The following CEP128 variants were observed in gnomAD, a reference collection of about 807,000 sequenced individuals.
CEP128 encodes centrosomal protein 128.
A neutral mutation model predicts 156.7 loss-of-function variants in CEP128; 132 were observed. The observed-to-expected ratio is 0.84, with a 90% CI of 0.73 to 0.97. CEP128 has a LOEUF of 0.97. Ranked by LOEUF, CEP128 falls within the 50% of genes least tolerant of loss-of-function variation. The pLI is 0.00. For synonymous variants in CEP128, 469 were observed against 448.9 expected (o/e 1.04, Z -0.57); for missense variants, 1,252 against 1,281.9 (o/e 0.98, Z 0.36).
intron 13 of CEP128, among the ~76,000 whole-genome samples, chr14:80,820,903 C>A (rs1885129426): frequency 6.6e-6 from 1 of 151,748 alleles, no homozygotes; most frequent in Non-Finnish European, 1.5e-5. Flanking sequence ...TATAGGTTCC[C>A]ACAAAATAAT....
intron 9 of CEP128, among the ~76,000 whole-genome samples, chr14:80,851,878 G>A (rs1886908456): frequency 6.6e-6 from 1 of 151,916 alleles, no homozygotes; most frequent in African/African-American, 2.4e-5. Flanking sequence ...AGGCACACTA[G>A]GTAATATTTT....
In CEP128 at chr14:80,724,499, G is replaced by A. The variant is rs148430421; in HGVS notation, c.2806+18576C>T. On this transcript the variant is annotated intron_variant, in intron 19 of 24. Coordinates refer to ENST00000555265, the MANE Select transcript of CEP128 (RefSeq NM_152446.5). ...CTGGTGACAGGTTCCCAAAACAAACGAAACAGAGAAGACCAAATTTTATTT... is the reference window on the plus strand; with the variant it reads ...CTGGTGACAGGTTCCCAAAACAAACAAAACAGAGAAGACCAAATTTTATTT... 5.2e-3 allele frequency among the ~76,000 whole-genome samples: 796 copies of A among 151,978 alleles called. 3 individuals are homozygous for A. Among genetic ancestry groups the A allele is most frequent in the Non-Finnish European group, 7.6e-3 (515 of 67,966 alleles).
rs139125532 is a variant in CEP128, at chr14:80,708,602, T to C, written c.2806+34473A>G. ...CCATGCTGGTGTGCTGCACCCATTATTTGTTTTTTATTTTGCTTATGGTGA... is the reference window on the plus strand; with the variant it reads ...CCATGCTGGTGTGCTGCACCCATTACTTGTTTTTTATTTTGCTTATGGTGA... On this transcript the variant is annotated intron_variant, in intron 19 of 24. Transcript: ENST00000555265. Among the ~76,000 whole-genome samples, 250 of 152,268 alleles carry C rather than the reference T, an allele frequency of 1.6e-3. 2 individuals are homozygous for C. Among genetic ancestry groups the C allele is most frequent in the African/African-American group, 5.5e-3 (228 of 41,576 alleles).
chr14:80,657,986 T>G (rs919278113), intron 19 of CEP128, among the ~76,000 whole-genome samples: 3 of 149,838 alleles, frequency 2.0e-5, no homozygotes, highest in Non-Finnish European at 4.4e-5. Context: ...TGAATATCTA[T>G]TCTACCTCGG....
chr14:80,790,611 T>C (rs1901653891), intron 14 of CEP128, among the ~76,000 whole-genome samples: 1 of 152,104 alleles, frequency 6.6e-6, no homozygotes. Flanking sequence ...CGCGATTTGA[T>C]ATTACACATC....
chr14:80,572,539 T>C (rs1891186564), intron 20 of CEP128, among the ~76,000 whole-genome samples: 1 of 152,190 alleles, frequency 6.6e-6, no homozygotes, highest in African/African-American at 2.4e-5. Context: ...ATAAGCAATG[T>C]ACTGTAAAAT....
intron 23 of CEP128, among the ~76,000 whole-genome samples, chr14:80,517,453 T>G (rs1422015679): frequency 6.6e-6 from 1 of 152,172 alleles, no homozygotes; most frequent in African/African-American, 2.4e-5. Context: ...ATTTTCTAAT[T>G]TTTCTTTTGA....
At chr14:80,773,679 A>G (rs60949197) in intron 16 of CEP128, among the ~76,000 whole-genome samples, 10,976 of 152,206 alleles carry the variant, frequency 0.072, 417 homozygotes, top group Non-Finnish European at 0.075. Flanking sequence ...CTGAACAAAA[A>G]TGATTCAATT....
chr14:80,827,698 C>T (rs924406169), intron 13 of CEP128, among the ~76,000 whole-genome samples: 2 of 152,116 alleles, frequency 1.3e-5, no homozygotes, highest in Non-Finnish European at 2.9e-5. Flanking sequence ...CTTAAGGCAT[C>T]ATTATTCTCT....
At chr14:80,743,653 G>C (rs1183401828) in intron 18 of CEP128, among the ~76,000 whole-genome samples, 1 of 152,112 alleles carries the variant, frequency 6.6e-6, no homozygotes, top group Admixed American at 6.5e-5. Flanking sequence ...TATTCCTTCA[G>C]AGAATTTTTT....
At chr14:80,568,049 T>C (rs562876310) in intron 20 of CEP128, among the ~76,000 whole-genome samples, 1 of 152,310 alleles carries the variant, frequency 6.6e-6, no homozygotes, top group South Asian at 2.1e-4. Context: ...GATTATGGCA[T>C]AATTTATGAG....
At chr14:80,650,583 A>C (rs923581641) in intron 19 of CEP128, among the ~76,000 whole-genome samples, 1 of 152,160 alleles carries the variant, frequency 6.6e-6, no homozygotes, top group Non-Finnish European at 1.5e-5. Flanking sequence ...TTATTTTGAG[A>C]CATGTTCCAT....
intron 2 of CEP128, among the ~76,000 whole-genome samples, chr14:80,950,054 G>A (rs748813507): frequency 3.9e-5 from 6 of 152,182 alleles, no homozygotes; most frequent in Non-Finnish European, 7.3e-5. Flanking sequence ...TAATGGATTA[G>A]CATGGACCCA....
At chr14:80,527,072 T>TA (rs1889008251) in intron 22 of CEP128, 90 bp from the exon 23 acceptor site, 2 of 635,856 alleles carry the variant, frequency 3.1e-6, no homozygotes, top group Admixed American at 2.8e-5. Flanking sequence ...TATATGTAGA[T>TA]AAAAATGAAA....
chr14:80,526,144 G>T (rs1172741257), intron 23 of CEP128, among the ~76,000 whole-genome samples: 2 of 152,134 alleles, frequency 1.3e-5, no homozygotes, highest in Non-Finnish European at 2.9e-5. Flanking sequence ...GATGGGAGAT[G>T]TTACTGGCAT....
intron 21 of CEP128, among the ~76,000 whole-genome samples, chr14:80,536,251 C>G (rs1889477843): frequency 6.6e-6 from 1 of 151,852 alleles, no homozygotes; most frequent in Non-Finnish European, 1.5e-5. Context: ...CAGATTTAAC[C>G]ATAAATATAT....
chr14:80,563,166 A>G (rs1890761067), intron 20 of CEP128, among the ~76,000 whole-genome samples: 1 of 152,066 alleles, frequency 6.6e-6, no homozygotes, highest in South Asian at 2.1e-4. Flanking sequence ...CTGCAGGTTC[A>G]TTACTCCACC....
chr14:80,826,196 C>A (rs994495830), intron 13 of CEP128, among the ~76,000 whole-genome samples: 4 of 151,242 alleles, frequency 2.6e-5, no homozygotes, highest in African/African-American at 9.7e-5. Context: ...GCCCACAAAC[C>A]AGAGTAAATT....
intron 17 of CEP128, among the ~76,000 whole-genome samples, chr14:80,760,693 C>T (rs1431945888): frequency 1.3e-5 from 2 of 152,026 alleles, no homozygotes; most frequent in African/African-American, 4.8e-5. Flanking sequence ...TGTAAAATAG[C>T]AGCAAAACCT....
Sources: allele counts gnomAD v4.1 joint callset (sites outside exome capture counted in the v4.1 genomes callset), GRCh38; gene constraint gnomAD v4.1.1; transcripts MANE v1.5; gene names NCBI Gene and HGNC (gene_info 2026-07-23, HGNC 2026-07-21).